LRMDA: variants seen among roughly 807,000 people sequenced by gnomAD.
The protein encoded by LRMDA is leucine-rich melanocyte differentiation-associated protein.
LRMDA carries 18 observed loss-of-function variants against 29.8 expected under a neutral mutation model. The observed-to-expected ratio is 0.60, with a 90% CI of 0.42 to 0.90. The LOEUF (loss-of-function observed/expected upper bound fraction) is 0.90, where lower values mean the gene tolerates loss of function less well. Ranked by LOEUF, LRMDA falls within the 40% of genes least tolerant of loss-of-function variation. LRMDA has a pLI of 0.00. For synonymous variants in LRMDA, 125 were observed against 109.4 expected (o/e 1.14, Z -0.89); for missense variants, 273 against 273.9 (o/e 1.00, Z 0.02).
intron 2 of LRMDA, among the ~76,000 whole-genome samples, chr10:75,863,021 T>A (rs756684117): frequency 1.3e-5 from 2 of 152,178 alleles, no homozygotes; most frequent in Non-Finnish European, 2.9e-5. Context: ...GCCCTGCATG[T>A]AAATATATCT....
chr10:75,969,901 T>C (rs990788256), intron 2 of LRMDA, among the ~76,000 whole-genome samples: 16 of 152,226 alleles, frequency 1.1e-4, no homozygotes, highest in Non-Finnish European at 4.4e-5. Flanking sequence ...GCTGATATCA[T>C]AGACAGTATT....
chr10:76,092,883 AT>A (rs1037208192), intron 5 of LRMDA, among the ~76,000 whole-genome samples: 1 of 152,110 alleles, frequency 6.6e-6, no homozygotes, highest in South Asian at 2.1e-4. Context: ...CAATTTATGC[AT>A]TTTTTTATCA....
intron 2 of LRMDA, among the ~76,000 whole-genome samples, chr10:75,483,986 C>G (rs937187266): frequency 6.6e-6 from 1 of 151,508 alleles, no homozygotes; most frequent in Non-Finnish European, 1.5e-5. Flanking sequence ...GACAGGATCT[C>G]ACTTTGTCAC....
chr10:76,350,002 CAAAAG>C (rs1371100714), intron 6 of LRMDA, among the ~76,000 whole-genome samples: 2 of 151,708 alleles, frequency 1.3e-5, no homozygotes, highest in African/African-American at 4.8e-5. Flanking sequence ...ATCTAAAAAT[CAAAAG>C]AAAAAGAAAC....
intron 2 of LRMDA, among the ~76,000 whole-genome samples, chr10:75,732,381 A>G (rs1842710534): frequency 6.6e-6 from 1 of 152,234 alleles, no homozygotes. Flanking sequence ...CTTGGGCAAG[A>G]GTACAAATGG....
chr10:76,365,481 G>A (rs1337416966), intron 6 of LRMDA, among the ~76,000 whole-genome samples: 1 of 152,056 alleles, frequency 6.6e-6, no homozygotes, highest in Non-Finnish European at 1.5e-5. Context: ...GTTTTGATTT[G>A]CATCTCCCTA....
intron 4 of LRMDA, among the ~76,000 whole-genome samples, chr10:76,051,131 C>T (rs569811127): frequency 5.3e-5 from 8 of 152,342 alleles, no homozygotes; most frequent in Admixed American, 4.6e-4. Context: ...GAGGGACCCT[C>T]CGCCGTCTGG....
chr10:76,073,712 T>C (rs1450958304), intron 5 of LRMDA, among the ~76,000 whole-genome samples: 1 of 152,198 alleles, frequency 6.6e-6, no homozygotes, highest in Non-Finnish European at 1.5e-5. Context: ...GCAGCCTATC[T>C]TGGCTGAGTC....
At chr10:76,555,288 A>G (rs1362087764) in intron 6 of LRMDA, among the ~76,000 whole-genome samples, 2 of 152,092 alleles carry the variant, frequency 1.3e-5, no homozygotes, top group African/African-American at 4.8e-5. Flanking sequence ...TAAAAGAATA[A>G]TTTAGGTCCC....
chr10:75,645,900 T>C (rs1841513906), intron 2 of LRMDA, among the ~76,000 whole-genome samples: 1 of 151,848 alleles, frequency 6.6e-6, no homozygotes, highest in African/African-American at 2.4e-5. Context: ...TTTCTATTCA[T>C]CTCTTTCCCC....
intron 2 of LRMDA, among the ~76,000 whole-genome samples, chr10:75,959,506 C>T (rs772040154): frequency 2.4e-4 from 28 of 115,922 alleles, no homozygotes; most frequent in African/African-American, 5.9e-4. Context: ...CACATGTGCG[C>T]GCACGTGCAT....
intron 2 of LRMDA, among the ~76,000 whole-genome samples, chr10:75,455,793 C>T (rs182270190): frequency 1.3e-5 from 2 of 152,320 alleles, no homozygotes; most frequent in Admixed American, 6.5e-5. Context: ...TCAAAAGAAA[C>T]TTCATGAAGA....
intron 5 of LRMDA, among the ~76,000 whole-genome samples, chr10:76,323,817 C>G (rs1203494051): frequency 6.6e-6 from 1 of 152,162 alleles, no homozygotes; most frequent in Admixed American, 6.5e-5. Context: ...TTGTTGATAA[C>G]CACTACATCC....
chr10:75,720,699 T>C lies in LRMDA; in HGVS notation c.131+282205T>C, dbSNP rs77239883. On this transcript the variant is annotated intron_variant, in intron 2 of 6. Coordinates refer to ENST00000611255, the MANE Select transcript of LRMDA (RefSeq NM_001305581.2). ...ATCTTTTGCTGTGGATTCAGAACTC[T>C]GTCTCAGAATCCTTTTAATCACAGC... 4.1e-3 allele frequency among the ~76,000 whole-genome samples: 619 copies of C among 152,338 alleles called. 5 individuals carry two copies. Among genetic ancestry groups the C allele is most frequent in the African/African-American group, 0.012 (494 of 41,564 alleles).
chr10:75,982,459 G>T (rs1847189738), intron 2 of LRMDA, among the ~76,000 whole-genome samples: 1 of 152,274 alleles, frequency 6.6e-6, no homozygotes, highest in African/African-American at 2.4e-5. Flanking sequence ...CGAGACCATT[G>T]TGGAGTTGTG....
At chr10:75,870,620 T>G (rs1358283379) in intron 2 of LRMDA, among the ~76,000 whole-genome samples, 1 of 152,216 alleles carries the variant, frequency 6.6e-6, no homozygotes, top group African/African-American at 2.4e-5. Context: ...CCATCCTCTC[T>G]GCAGCACCTC....
chr10:76,009,858 C>T (rs1175870982), intron 2 of LRMDA, among the ~76,000 whole-genome samples: 4 of 151,612 alleles, frequency 2.6e-5, no homozygotes, highest in Non-Finnish European at 4.4e-5. Context: ...CCTCCCCCAG[C>T]CCCTCATTTC....
intron 2 of LRMDA, among the ~76,000 whole-genome samples, chr10:75,456,268 G>A (rs1361368490): frequency 6.6e-6 from 1 of 152,250 alleles, no homozygotes; most frequent in Non-Finnish European, 1.5e-5. Flanking sequence ...AAGGGTCACG[G>A]TTAATGCAGT....
chr10:75,453,542 C>T (rs1343389956), intron 2 of LRMDA, among the ~76,000 whole-genome samples: 3 of 152,130 alleles, frequency 2.0e-5, no homozygotes, highest in Non-Finnish European at 4.4e-5. Context: ...TTCCCGAAGA[C>T]TTTTCTATTT....
Sources: allele counts gnomAD v4.1 joint callset (sites outside exome capture counted in the v4.1 genomes callset), GRCh38; gene constraint gnomAD v4.1.1; transcripts MANE v1.5; gene names NCBI Gene and HGNC (gene_info 2026-07-23, HGNC 2026-07-21).